KIF18A: variants seen among roughly 807,000 people sequenced by gnomAD.
The protein encoded by KIF18A is kinesin-like protein KIF18A.
In KIF18A, 67 loss-of-function variants were observed where a neutral mutation model predicts 103.3. The observed-to-expected ratio is 0.65, with a 90% CI of 0.53 to 0.79. The LOEUF is 0.79. KIF18A is among the 30% of genes least tolerant of loss of function. KIF18A has a pLI of 0.00. For missense variants in KIF18A, 1,032 were observed against 1,062.5 expected (o/e 0.97, Z 0.40); for synonymous variants, 367 against 355.5 (o/e 1.03, Z -0.36).
In KIF18A at chr11:28,098,251, TC is replaced by T. The variant is rs1456536351; in HGVS notation, c.-46-259del. ...TACGTACACACAACTACGATAAAAA[TC>T]TCTTTACCTGAAATATTAGTAGGAT... is the stretch of plus-strand genomic sequence containing the variant. On this transcript the variant is annotated intron_variant, in intron 1 of 16. Coordinates refer to ENST00000263181, the MANE Select transcript of KIF18A (RefSeq NM_031217.4). Among the ~76,000 whole-genome samples the T allele has an allele frequency of 1.3e-4, 20 of 152,018 alleles. 1 individual carries two copies. Among genetic ancestry groups the T allele is most frequent in the Admixed American group, 4.6e-4 (7 of 15,248 alleles).
chr11:28,056,698 A>T (rs1173796261), intron 13 of KIF18A: 3 of 163,650 alleles, frequency 1.8e-5, no homozygotes, highest in Non-Finnish European at 2.9e-5. Context: ...TATTTCAATA[A>T]GCCAGAAGAC....
intron 13 of KIF18A, among the ~76,000 whole-genome samples, chr11:28,057,501 C>T (rs1214683014): frequency 1.3e-5 from 2 of 151,674 alleles, no homozygotes; most frequent in African/African-American, 4.8e-5. Context: ...GGTGACAGAG[C>T]GAGACTCGGT....
chr11:28,024,499 A>G (rs897096107), intron 15 of KIF18A, among the ~76,000 whole-genome samples: 2 of 152,146 alleles, frequency 1.3e-5, no homozygotes, highest in Non-Finnish European at 2.9e-5. Context: ...ACAAGTAAAC[A>G]AGGCACAAAA....
chr11:28,107,421 A>G (rs1435718976), intron 1 of KIF18A, among the ~76,000 whole-genome samples: 1 of 151,714 alleles, frequency 6.6e-6, no homozygotes, highest in Non-Finnish European at 1.5e-5. Flanking sequence ...AGACTATAGG[A>G]CTGATTCTAA....
chr11:28,081,282 T>C (rs758055525), intron 9 of KIF18A, among the ~76,000 whole-genome samples: 4 of 152,140 alleles, frequency 2.6e-5, no homozygotes, highest in Non-Finnish European at 5.9e-5. Context: ...CAGCTTTTAA[T>C]TGGAACAATA....
chr11:28,077,069 A>G lies in KIF18A; in HGVS notation c.1363T>C (p.Phe455Leu), dbSNP rs1041634982. The change falls in exon 10 of 17, where the codon TTC (phenylalanine) becomes CTC (leucine). Residue 455 changes from phenylalanine to leucine, a missense_variant. Transcript: ENST00000263181. ...TGTTTATGGCACTGTTGTTGGTAGAATGATTTAAGTTCATTTTCTTTAAGT... is the reference window on the plus strand; with the variant it reads ...TGTTTATGGCACTGTTGTTGGTAGAGTGATTTAAGTTCATTTTCTTTAAGT... Reference protein sequence around the residue: ...MLLKENELKSFYQQQCHKQIE... With the variant: ...MLLKENELKSLYQQQCHKQIE... 3.8e-6 allele frequency: 6 copies of G among 1,580,040 alleles called. No homozygotes were observed. The African/African-American group carries it at 8.3e-5, about 22-fold the overall frequency.
rs1850231143 is a variant in KIF18A at position 28,020,975 on chromosome 11, AT to A, written c.*224del. 1 of 304,242 alleles carries A rather than the reference AT, an allele frequency of 3.3e-6. No individual in the cohort carries two copies. Among genetic ancestry groups the A allele is most frequent in the African/African-American group, 2.2e-5 (1 of 45,874 alleles). The allele number at this position is 304,242 out of a possible 1,614,324, so 18.8% of individuals were successfully genotyped here. ...TCAGGGATTTTAAAAGGCAACAAAT[AT>A]TTAAAAAACTTAAAAGACAACCTTT... On this transcript the variant is annotated 3_prime_UTR_variant, in exon 17 of 17. Transcript: ENST00000263181.
chr11:28,102,729 G>A lies in KIF18A; in HGVS notation c.-46-4736C>T, dbSNP rs562288890. 1.7e-3 allele frequency among the ~76,000 whole-genome samples: 258 copies of A among 152,242 alleles called. 1 individual carries two copies. Among genetic ancestry groups the A allele is most frequent in the Non-Finnish European group, 2.7e-3 (185 of 67,994 alleles). On this transcript the variant is annotated intron_variant, in intron 1 of 16. Transcript: ENST00000263181. ...TCTTTTAAAAACAAATATGTGGATA[G>A]AATTTTCTTAATAAAAATGCCTAAG...
intron 11 of KIF18A, among the ~76,000 whole-genome samples, chr11:28,064,972 T>A (rs546908056): frequency 1.3e-5 from 2 of 151,990 alleles, no homozygotes; most frequent in Non-Finnish European, 2.9e-5. Flanking sequence ...AACAACAAGA[T>A]CAGTTTTGCG....
chr11:28,049,283 T>G (rs1850680997), intron 13 of KIF18A, among the ~76,000 whole-genome samples: 1 of 152,012 alleles, frequency 6.6e-6, no homozygotes, highest in Admixed American at 6.6e-5. Context: ...TTTGGAAATA[T>G]TTCACAGATG....
intron 13 of KIF18A, among the ~76,000 whole-genome samples, chr11:28,046,109 G>T (rs1356297068): frequency 6.6e-6 from 1 of 151,582 alleles, no homozygotes; most frequent in Non-Finnish European, 1.5e-5. Context: ...CTGTCAACTA[G>T]TTCAACCATT....
At position 28,090,606 on chromosome 11, in the gene KIF18A, TG is replaced by T. The variant is rs753062283; in HGVS notation, c.699+10del. The T allele has an allele frequency of 4.5e-6, 6 of 1,329,220 alleles. No individual in the cohort carries two copies. The highest frequency in any genetic ancestry group is 2.9e-5 in the African/African-American group (2 of 69,220). The allele number at this position is 1,329,220 out of a possible 1,614,324, so 82.3% of individuals were successfully genotyped here. ...TCCAATTTTAAGAGTGATAGTCTAG[TG>T]GCCTCTTACTTGGAAAACAGCATGA... On this transcript the variant is annotated intron_variant, in intron 5 of 16. Coordinates refer to ENST00000263181, the MANE Select transcript of KIF18A (RefSeq NM_031217.4).
chr11:28,069,443 A>G lies in KIF18A; in HGVS notation c.1426-20T>C. On this transcript the variant is annotated intron_variant, in intron 10 of 16. Transcript: ENST00000263181. Reference sequence around the variant, plus strand: ...AGTGGCCTGAAACACGATTCATTTAACAGTAAATCTAATTTTTATGATATT... The same window carrying G: ...AGTGGCCTGAAACACGATTCATTTAGCAGTAAATCTAATTTTTATGATATT... 6.2e-7 allele frequency: 1 copy of G among 1,603,544 alleles called. No individual in the cohort carries two copies.
intron 1 of KIF18A, among the ~76,000 whole-genome samples, chr11:28,107,600 T>A (rs1394922309): frequency 2.0e-5 from 3 of 152,112 alleles, no homozygotes; most frequent in Non-Finnish European, 4.4e-5. Flanking sequence ...AGACTAACAG[T>A]TAAAGCTCTT....
At chr11:28,073,913 T>A (rs1230788178) in intron 10 of KIF18A, among the ~76,000 whole-genome samples, 1 of 152,192 alleles carries the variant, frequency 6.6e-6, no homozygotes, top group African/African-American at 2.4e-5. Context: ...TATGGCTGCA[T>A]TTCTTGCCTT....
chr11:28,093,026 C>A (rs1367553528), intron 3 of KIF18A, among the ~76,000 whole-genome samples: 1 of 152,138 alleles, frequency 6.6e-6, no homozygotes, highest in African/African-American at 2.4e-5. Flanking sequence ...TAAAATATCC[C>A]AAGTGTGAGG....
At chr11:28,098,867 A>C (rs1851409344) in intron 1 of KIF18A, among the ~76,000 whole-genome samples, 1 of 150,016 alleles carries the variant, frequency 6.7e-6, no homozygotes, top group Non-Finnish European at 1.5e-5. Flanking sequence ...AACAACAACA[A>C]CAACAAAAAG....
intron 1 of KIF18A, among the ~76,000 whole-genome samples, chr11:28,103,651 T>G (rs550292967): frequency 1.3e-5 from 2 of 152,178 alleles, no homozygotes; most frequent in African/African-American, 4.8e-5. Flanking sequence ...TATAGTAAAT[T>G]TTCAAATATA....
chr11:28,071,481 C>A (rs1851013137), intron 10 of KIF18A, among the ~76,000 whole-genome samples: 1 of 148,324 alleles, frequency 6.7e-6, no homozygotes, highest in Non-Finnish European at 1.5e-5. Flanking sequence ...TAATTTATTG[C>A]TATTTATTAT....
Sources: allele counts gnomAD v4.1 joint callset (sites outside exome capture counted in the v4.1 genomes callset), GRCh38; gene constraint gnomAD v4.1.1; transcripts MANE v1.5; gene names NCBI Gene and HGNC (gene_info 2026-07-23, HGNC 2026-07-21).